Variants in MEGF11 observed in about 807,000 individuals in gnomAD.
The protein encoded by MEGF11 is multiple epidermal growth factor-like domains protein 11.
MEGF11 carries 126 observed loss-of-function variants against 146.6 expected under a neutral mutation model. The ratio of observed to expected loss-of-function variants is 0.86; its 90% CI spans 0.74 to 1.00. The LOEUF (loss-of-function observed/expected upper bound fraction) is 1.00. MEGF11 is among the 50% of genes least tolerant of loss of function. MEGF11 has a pLI of 0.00. For synonymous variants in MEGF11, 532 were observed against 583.4 expected, an observed-to-expected ratio of 0.91 and a Z score of 1.27; for missense variants, 1,509 against 1,521.2, an observed-to-expected ratio of 0.99 and a Z score of 0.13.
intron 10 of MEGF11, among the ~76,000 whole-genome samples, chr15:65,944,771 A>C (rs2080128449): frequency 6.6e-6 from 1 of 152,118 alleles, no homozygotes; most frequent in African/African-American, 2.4e-5. Flanking sequence ...GACAGCCCAG[A>C]ATTTAACACT....
At chr15:66,200,679 A>G (rs1280241427) in intron 1 of MEGF11, among the ~76,000 whole-genome samples, 1 of 152,216 alleles carries the variant, frequency 6.6e-6, no homozygotes, top group Non-Finnish European at 1.5e-5. Context: ...TTATACTTCT[A>G]CATGAAGGAG....
chr15:66,039,846 GTCC>G (rs1441645323), intron 5 of MEGF11, among the ~76,000 whole-genome samples: 35 of 2,196 alleles, frequency 0.016, 8 homozygotes, highest in Non-Finnish European at 0.052. Context: ...TGGGGTGACG[GTCC>G]TGAGCCGGGT....
intron 1 of MEGF11, among the ~76,000 whole-genome samples, chr15:66,154,669 T>C (rs2141050696): frequency 6.6e-6 from 1 of 152,372 alleles, no homozygotes; most frequent in South Asian, 2.1e-4. Flanking sequence ...AAATGCCGTC[T>C]GTCTGTTGGA....
chr15:66,055,349 T>C (rs1380542240), intron 5 of MEGF11, among the ~76,000 whole-genome samples: 2 of 152,260 alleles, frequency 1.3e-5, no homozygotes, highest in Admixed American at 1.3e-4. Flanking sequence ...AATGCAGCTT[T>C]CAATTATGCT....
At chr15:66,225,596 G>A (rs1237761442) in intron 1 of MEGF11, among the ~76,000 whole-genome samples, 1 of 152,092 alleles carries the variant, frequency 6.6e-6, no homozygotes, top group Non-Finnish European at 1.5e-5. Context: ...TCACACACCA[G>A]CGTTATGTTT....
At chr15:65,990,064 A>G (rs2081980805) in intron 5 of MEGF11, among the ~76,000 whole-genome samples, 1 of 152,140 alleles carries the variant, frequency 6.6e-6, no homozygotes, top group Admixed American at 6.5e-5. Flanking sequence ...AGCTAAAATT[A>G]TCCAGCTGTG....
At chr15:66,035,917 T>G (rs2140265377) in intron 5 of MEGF11, among the ~76,000 whole-genome samples, 1 of 152,394 alleles carries the variant, frequency 6.6e-6, no homozygotes, top group South Asian at 2.1e-4. Flanking sequence ...CTGTGGCTGA[T>G]GGCTTGTGTC....
At chr15:66,075,887 CTGAAGA>C (rs1456172749) in intron 5 of MEGF11, among the ~76,000 whole-genome samples, 1 of 152,190 alleles carries the variant, frequency 6.6e-6, no homozygotes, top group Non-Finnish European at 1.5e-5. Flanking sequence ...GGCAGGACCT[CTGAAGA>C]GGAAGAGGAA....
At chr15:66,175,468 C>T (rs59223761) in intron 1 of MEGF11, among the ~76,000 whole-genome samples, 2,210 of 152,238 alleles carry the variant, frequency 0.015, 41 homozygotes, top group African/African-American at 0.049. Context: ...GGTATAAAAA[C>T]AGACATATAA....
At chr15:66,143,565 TC>T (rs1317779339) in intron 1 of MEGF11, among the ~76,000 whole-genome samples, 1 of 152,178 alleles carries the variant, frequency 6.6e-6, no homozygotes, top group African/African-American at 2.4e-5. Flanking sequence ...GTATTTACTT[TC>T]CTCCTACAAA....
At chr15:65,992,450 T>TGGGG (rs11355219) in intron 5 of MEGF11, among the ~76,000 whole-genome samples, 67 of 126,600 alleles carry the variant, frequency 5.3e-4, no homozygotes, top group Non-Finnish European at 7.2e-4. Context: ...TGTGTGTGTG[T>TGGGG]GGGGGGGGGG....
chr15:66,221,949 T>C (rs2091749196), intron 1 of MEGF11, among the ~76,000 whole-genome samples: 1 of 152,172 alleles, frequency 6.6e-6, no homozygotes. Context: ...TATTCCTAAT[T>C]GTGCTTGTTA....
intron 5 of MEGF11, among the ~76,000 whole-genome samples, chr15:66,076,888 G>C (rs2085612174): frequency 6.6e-6 from 1 of 152,216 alleles, no homozygotes; most frequent in Non-Finnish European, 1.5e-5. Flanking sequence ...AGGAAGTAGA[G>C]CATTGCCCAG....
chr15:65,965,609 T>TC (rs1567180128), intron 8 of MEGF11, among the ~76,000 whole-genome samples: 3,936 of 79,586 alleles, frequency 0.049, 407 homozygotes, highest in Middle Eastern at 0.1. Context: ...TCTTTTTTTT[T>TC]TTTCTTTTTT....
chr15:66,228,937 T>C (rs1237507461), intron 1 of MEGF11, among the ~76,000 whole-genome samples: 1 of 152,094 alleles, frequency 6.6e-6, no homozygotes, highest in Non-Finnish European at 1.5e-5. Flanking sequence ...CAGTCCTCTC[T>C]ACACAGCGCC....
intron 1 of MEGF11, among the ~76,000 whole-genome samples, chr15:66,177,381 A>AT (rs1356991643): frequency 6.6e-6 from 1 of 152,084 alleles, no homozygotes; most frequent in Admixed American, 6.6e-5. Context: ...TTTCCACTGA[A>AT]TTTTTTGTGT....
chr15:66,150,167 G>T (rs2089510445), intron 1 of MEGF11, among the ~76,000 whole-genome samples: 1 of 152,232 alleles, frequency 6.6e-6, no homozygotes, highest in Admixed American at 6.5e-5. Context: ...GAAAGCTGTG[G>T]TCCCTCCAGC....
intron 7 of MEGF11, among the ~76,000 whole-genome samples, chr15:65,977,365 G>C (rs983033077): frequency 3.3e-5 from 5 of 152,056 alleles, no homozygotes; most frequent in Non-Finnish European, 5.9e-5. Flanking sequence ...GGTTGGTATG[G>C]GTGCTGTGAA....
intron 5 of MEGF11, among the ~76,000 whole-genome samples, chr15:66,028,266 A>G (rs1267622434): frequency 6.6e-6 from 1 of 152,232 alleles, no homozygotes; most frequent in Non-Finnish European, 1.5e-5. Context: ...AGTATCCAAT[A>G]AAGGTCTTTC....
Sources: gnomAD v4.1 joint callset for allele counts (sites outside exome capture counted in the v4.1 genomes callset) on GRCh38, gnomAD v4.1.1 for gene constraint, MANE v1.5 for transcripts, NCBI Gene and HGNC (gene_info 2026-07-23, HGNC 2026-07-21) for gene names.